FRMD4A: variants seen among roughly 807,000 people sequenced by gnomAD.
The protein encoded by FRMD4A is FERM domain containing 4A.
In FRMD4A, 29 loss-of-function variants were observed where a neutral mutation model predicts 129.1. That is an observed-to-expected ratio of 0.22 (90% confidence interval 0.17 to 0.31). The LOEUF (loss-of-function observed/expected upper bound fraction) is 0.31, where lower values mean the gene tolerates loss of function less well. FRMD4A is among the 10% of genes least tolerant of loss of function. The pLI is 1.00. For missense variants in FRMD4A, 1,272 were observed against 1,375.8 expected, an observed-to-expected ratio of 0.92 and a Z score of 1.19; for synonymous variants, 634 against 571.6, an observed-to-expected ratio of 1.11 and a Z score of -1.56.
intron 2 of FRMD4A, among the ~76,000 whole-genome samples, chr10:14,060,471 T>C (rs947444693): frequency 6.6e-6 from 1 of 152,172 alleles, no homozygotes; most frequent in Non-Finnish European, 1.5e-5. Context: ...AGGTGACCAC[T>C]TTTACAAGTG....
intron 2 of FRMD4A, among the ~76,000 whole-genome samples, chr10:14,199,030 C>A (rs1031233542): frequency 2.0e-5 from 3 of 152,110 alleles, no homozygotes; most frequent in Admixed American, 6.6e-5. Flanking sequence ...TTCTATCTTA[C>A]CTTTCCGTGT....
chr10:13,791,649 T>A (rs946963422), intron 5 of FRMD4A, among the ~76,000 whole-genome samples: 9 of 152,332 alleles, frequency 5.9e-5, no homozygotes, highest in African/African-American at 1.7e-4. Flanking sequence ...ATCAGTTTTG[T>A]TCGCTGCTCT....
At chr10:14,004,149 A>G (rs1431706309) in intron 2 of FRMD4A, among the ~76,000 whole-genome samples, 1 of 152,244 alleles carries the variant, frequency 6.6e-6, no homozygotes, top group African/African-American at 2.4e-5. Context: ...ACCACGACAC[A>G]ATATACTGCT....
chr10:13,701,639 G>A (rs865915023), intron 13 of FRMD4A, among the ~76,000 whole-genome samples, 161 bp from the exon 14 acceptor site: 4 of 152,122 alleles, frequency 2.6e-5, no homozygotes, highest in Middle Eastern at 3.2e-3. Context: ...ACACACATGC[G>A]CACACAGCTT....
chr10:13,650,713 C>A (rs1005673290), intron 24 of FRMD4A, among the ~76,000 whole-genome samples: 4 of 152,182 alleles, frequency 2.6e-5, no homozygotes, highest in Non-Finnish European at 2.9e-5. Context: ...ATTGTCCTAA[C>A]TTACTTTTCA....
intron 2 of FRMD4A, among the ~76,000 whole-genome samples, chr10:14,022,322 A>G (rs763889684): frequency 6.6e-5 from 10 of 152,182 alleles, no homozygotes; most frequent in Admixed American, 3.3e-4. Context: ...GCACAAAGAC[A>G]TAGTAATGAG....
intron 2 of FRMD4A, among the ~76,000 whole-genome samples, chr10:14,092,295 C>T (rs1588956796): frequency 1.3e-5 from 2 of 152,224 alleles, no homozygotes; most frequent in African/African-American, 4.8e-5. Context: ...AAGGCAGCAT[C>T]AACCTGCCTA....
At chr10:13,671,170 A>G (rs1020272387) in intron 16 of FRMD4A, among the ~76,000 whole-genome samples, 1 of 152,172 alleles carries the variant, frequency 6.6e-6, no homozygotes, top group Non-Finnish European at 1.5e-5. Flanking sequence ...TTTTAGTAGA[A>G]TGGCTGGGCA....
intron 2 of FRMD4A, among the ~76,000 whole-genome samples, chr10:14,240,287 C>A (rs148733199): frequency 6.6e-6 from 1 of 152,192 alleles, no homozygotes; most frequent in Non-Finnish European, 1.5e-5. Flanking sequence ...TGCTGCATGA[C>A]GGCCATTTAT....
chr10:14,156,457 C>T (rs1007756133), intron 2 of FRMD4A, among the ~76,000 whole-genome samples: 8 of 152,074 alleles, frequency 5.3e-5, no homozygotes, highest in African/African-American at 1.9e-4. Context: ...AATATACTTG[C>T]AATATTGTTT....
At chr10:13,692,258 C>T (rs1459063736) in intron 15 of FRMD4A, 1 of 149,274 alleles carries the variant, frequency 6.7e-6, no homozygotes, top group Non-Finnish European at 1.5e-5. Flanking sequence ...AAGTGATTCT[C>T]CTGCCTCAGC....
At chr10:13,905,148 A>G (rs1293741839) in intron 2 of FRMD4A, among the ~76,000 whole-genome samples, 1 of 152,152 alleles carries the variant, frequency 6.6e-6, no homozygotes, top group Non-Finnish European at 1.5e-5. Flanking sequence ...CACTGGCCCC[A>G]ACAATAAAGC....
At chr10:14,240,103 G>C (rs1843988426) in intron 2 of FRMD4A, among the ~76,000 whole-genome samples, 1 of 152,172 alleles carries the variant, frequency 6.6e-6, no homozygotes, top group Admixed American at 6.5e-5. Flanking sequence ...ATGGTTGCTA[G>C]AGTCACCATC....
chr10:14,275,110 A>G (rs1214396077), intron 2 of FRMD4A, among the ~76,000 whole-genome samples: 3 of 152,194 alleles, frequency 2.0e-5, no homozygotes, highest in Non-Finnish European at 4.4e-5. Flanking sequence ...GCTGCTGGTC[A>G]GCACCAGTCT....
At chr10:14,272,495 C>G (rs1274070588) in intron 2 of FRMD4A, among the ~76,000 whole-genome samples, 1 of 152,180 alleles carries the variant, frequency 6.6e-6, no homozygotes, top group Admixed American at 6.5e-5. Flanking sequence ...CCAAACCGAC[C>G]AAGACACTCT....
chr10:13,660,987 G>C (rs2082597860), intron 19 of FRMD4A, among the ~76,000 whole-genome samples: 1 of 152,176 alleles, frequency 6.6e-6, no homozygotes. Context: ...TCTGCTGCTA[G>C]ATCCTCAGCC....
chr10:13,978,372 T>C (rs773430897), intron 2 of FRMD4A, among the ~76,000 whole-genome samples: 1 of 152,116 alleles, frequency 6.6e-6, no homozygotes, highest in Non-Finnish European at 1.5e-5. Context: ...GCCCAGAATG[T>C]CCTCTTCCTC....
intron 2 of FRMD4A, among the ~76,000 whole-genome samples, chr10:14,268,186 ATTTGT>A (rs1054649926): frequency 1.3e-5 from 2 of 152,170 alleles, no homozygotes; most frequent in Admixed American, 6.5e-5. Flanking sequence ...CTGTCTATAT[ATTTGT>A]TTTGTTTTGT....
chr10:13,809,403 GAA>G (rs1284850427), intron 4 of FRMD4A, among the ~76,000 whole-genome samples: 1 of 152,214 alleles, frequency 6.6e-6, no homozygotes, highest in African/African-American at 2.4e-5. Context: ...TCTGATTAGT[GAA>G]AATAGTCTCA....
Sources: gnomAD v4.1 joint callset for allele counts (sites outside exome capture counted in the v4.1 genomes callset) on GRCh38, gnomAD v4.1.1 for gene constraint, MANE v1.5 for transcripts, NCBI Gene and HGNC (gene_info 2026-07-23, HGNC 2026-07-21) for gene names.